The following LINGO2 variants were observed in gnomAD, a reference collection of about 807,000 sequenced individuals.
LINGO2 encodes leucine rich repeat and Ig domain containing 2.
In LINGO2, 14 loss-of-function variants were observed where a neutral mutation model predicts 30.6. The observed-to-expected ratio is 0.46, with a 90% CI of 0.30 to 0.72. The LOEUF is 0.72. Ranked by LOEUF, LINGO2 falls within the 30% of genes least tolerant of loss-of-function variation. The pLI is 0.07. For missense variants in LINGO2, 729 were observed against 751.7 expected (o/e 0.97, Z 0.35); for synonymous variants, 317 against 288.5 (o/e 1.10, Z -1.00).
chr9:27,975,848 A>T (rs1035798879), intron 5 of LINGO2, among the ~76,000 whole-genome samples: 2 of 152,112 alleles, frequency 1.3e-5, no homozygotes, highest in African/African-American at 4.8e-5. Context: ...TTTCCATTTT[A>T]AAAAGTATAT....
intron 2 of LINGO2, among the ~76,000 whole-genome samples, chr9:28,417,088 T>C (rs1822998310): frequency 7.4e-6 from 1 of 135,012 alleles, no homozygotes; most frequent in South Asian, 2.3e-4. Flanking sequence ...TAGTAAGGAG[T>C]TCAGATAAAA....
chr9:29,197,418 G>A, the LINGO2 span, among the ~76,000 whole-genome samples: 601 of 152,060 alleles, frequency 4.0e-3, 3 homozygotes, highest in African/African-American at 0.014. Context: ...TCAACTTGGC[G>A]TAGATCTTTG....
chr9:28,629,386 T>A lies in LINGO2; in HGVS notation c.-365+40814A>T, dbSNP rs1393094429. 3.9e-5 allele frequency among the ~76,000 whole-genome samples: 6 copies of A among 152,252 alleles called. No homozygotes were observed. In the East Asian group the frequency reaches 1.2e-3, roughly 29 times the overall value. On this transcript the variant is annotated intron_variant, in intron 1 of 5. Transcript: ENST00000379992. ...AGAAGAATGAAAGACTAGAAATTCC[T>A]TTCTTCTTCCCTTTTCTTTACGATC...
At chr9:28,401,213 AT>A (rs1250092678) in intron 2 of LINGO2, among the ~76,000 whole-genome samples, 8 of 151,334 alleles carry the variant, frequency 5.3e-5, no homozygotes, top group African/African-American at 1.7e-4. Context: ...GACTGTACAG[AT>A]TTGTTACATA....
At chr9:28,669,709 G>A (rs747359258) in intron 1 of LINGO2, among the ~76,000 whole-genome samples, 10 of 151,740 alleles carry the variant, frequency 6.6e-5, no homozygotes, top group Non-Finnish European at 1.5e-4. Context: ...GTACTAGTGG[G>A]GGAAATAAAA....
rs184424120 is a variant in LINGO2, at chr9:27,991,336, T to C, written c.-36+21019A>G. Among the ~76,000 whole-genome samples the C allele has an allele frequency of 1.6e-3, 246 of 152,158 alleles. 1 individual carries two copies. The highest frequency in any genetic ancestry group is 2.1e-3 in the Non-Finnish European group (144 of 67,962). On this transcript the variant is annotated intron_variant, in intron 5 of 5. Coordinates refer to ENST00000379992, the Ensembl canonical transcript of LINGO2. ...AGAGTAATTTTTCTCTCCCGGATGA[T>C]TTGCTTGTGGCTTTGGTCTTTTTAC... is the stretch of plus-strand genomic sequence containing the variant.
chr9:28,239,712 T>C (rs1288802655), intron 4 of LINGO2, among the ~76,000 whole-genome samples: 2 of 152,118 alleles, frequency 1.3e-5, no homozygotes, highest in Non-Finnish European at 2.9e-5. Flanking sequence ...CTTTTCCTCA[T>C]AGATCTGAAA....
intron 3 of LINGO2, among the ~76,000 whole-genome samples, chr9:28,334,532 G>C (rs963707726): frequency 6.6e-6 from 1 of 152,104 alleles, no homozygotes; most frequent in Admixed American, 6.6e-5. Flanking sequence ...GGAAAAATGA[G>C]TTAATAGTAA....
At chr9:29,001,383 TA>T in the LINGO2 span, among the ~76,000 whole-genome samples, 1 of 152,030 alleles carries the variant, frequency 6.6e-6, no homozygotes, top group Non-Finnish European at 1.5e-5. Context: ...TTTATGTTGA[TA>T]TTTTTAAGCA....
chr9:28,458,595 A>G (rs1329852575), intron 2 of LINGO2, among the ~76,000 whole-genome samples: 1 of 152,136 alleles, frequency 6.6e-6, no homozygotes, highest in Non-Finnish European at 1.5e-5. Context: ...CCTCTCACTG[A>G]TCTTGTTAGA....
chr9:28,312,067 G>T (rs1453682990), intron 3 of LINGO2, among the ~76,000 whole-genome samples: 5 of 151,992 alleles, frequency 3.3e-5, no homozygotes, highest in Non-Finnish European at 7.4e-5. Flanking sequence ...CAACAAGTAA[G>T]GCTTCTTCTG....
At chr9:28,353,933 C>G (rs1436098760) in intron 3 of LINGO2, among the ~76,000 whole-genome samples, 6 of 152,004 alleles carry the variant, frequency 3.9e-5, no homozygotes, top group Admixed American at 2.0e-4. Context: ...TATTCTCACT[C>G]ATAGGTGGGA....
the LINGO2 span, among the ~76,000 whole-genome samples, chr9:29,176,613 G>C: frequency 2.0e-5 from 3 of 152,300 alleles, no homozygotes; most frequent in East Asian, 5.8e-4. Flanking sequence ...ACAGGAAAGA[G>C]CTTATCTAAT....
intron 4 of LINGO2, among the ~76,000 whole-genome samples, chr9:28,161,785 G>C (rs1316242809): frequency 6.6e-6 from 1 of 151,766 alleles, no homozygotes; most frequent in Non-Finnish European, 1.5e-5. Flanking sequence ...CAGAAATTTT[G>C]CTCTTCAGGT....
the LINGO2 span, among the ~76,000 whole-genome samples, chr9:28,734,495 T>C: frequency 2.0e-5 from 3 of 152,168 alleles, no homozygotes; most frequent in Admixed American, 6.5e-5. Flanking sequence ...ACTGTATTGT[T>C]ATCTCCCTTT....
intron 1 of LINGO2, among the ~76,000 whole-genome samples, chr9:28,537,221 G>A (rs1821471863): frequency 6.6e-6 from 1 of 152,078 alleles, no homozygotes. Flanking sequence ...TGTGATCTCA[G>A]ACATCTTGCC....
At chr9:28,968,002 C>T in the LINGO2 span, among the ~76,000 whole-genome samples, 3 of 152,140 alleles carry the variant, frequency 2.0e-5, no homozygotes, top group Non-Finnish European at 2.9e-5. Flanking sequence ...AAGTCTTGCA[C>T]ACCAAATTGA....
At chr9:29,131,483 C>T in the LINGO2 span, among the ~76,000 whole-genome samples, 28,614 of 151,946 alleles carry the variant, frequency 0.19, 2,846 homozygotes, top group East Asian at 0.34. Context: ...TCCCAATCCC[C>T]GCTCTATTTT....
chr9:28,055,536 G>A (rs1054986903), intron 4 of LINGO2, among the ~76,000 whole-genome samples: 1 of 152,146 alleles, frequency 6.6e-6, no homozygotes, highest in African/African-American at 2.4e-5. Flanking sequence ...GATTGGCTGT[G>A]ACTTCCACTT....
Sources: allele counts gnomAD v4.1 joint callset (sites outside exome capture counted in the v4.1 genomes callset), GRCh38; gene constraint gnomAD v4.1.1; transcripts MANE v1.5; gene names NCBI Gene and HGNC (gene_info 2026-07-23, HGNC 2026-07-21).